RP1: variants seen among roughly 807,000 people sequenced by gnomAD.
The protein encoded by RP1 is RP1 axonemal microtubule associated.
RP1 carries 16 observed loss-of-function variants against 14.8 expected under a neutral mutation model. That is an observed-to-expected ratio of 1.08 (90% CI 0.73 to 1.65). RP1 has a LOEUF of 1.65. Ranked by LOEUF, RP1 falls within the 40% of genes most tolerant of loss-of-function variation. The pLI is 0.00. For missense variants in RP1, 2,631 were observed against 2,535.0 expected (o/e 1.04, Z -0.81); for synonymous variants, 876 against 883.6 (o/e 0.99, Z 0.15).
chr8:54,720,931 A>G (rs1195369504), intron 16 of RP1, among the ~76,000 whole-genome samples: 1 of 152,194 alleles, frequency 6.6e-6, no homozygotes, highest in East Asian at 1.9e-4. Flanking sequence ...GTATTTTTCA[A>G]TTACCTTGAA....
chr8:54,707,289 G>A (rs1229335443), intron 15 of RP1, among the ~76,000 whole-genome samples: 1 of 151,978 alleles, frequency 6.6e-6, no homozygotes, highest in Non-Finnish European at 1.5e-5. Flanking sequence ...ATGCCCTGCT[G>A]ATTTTTGTAC....
At chr8:54,669,452 T>C (rs968211038) in intron 7 of RP1, among the ~76,000 whole-genome samples, 2 of 152,228 alleles carry the variant, frequency 1.3e-5, no homozygotes, top group Non-Finnish European at 2.9e-5. Context: ...GTTCAACGAT[T>C]GTGGAAGACA....
intron 7 of RP1, among the ~76,000 whole-genome samples, chr8:54,668,337 CAAG>C (rs1212176855): frequency 3.9e-5 from 6 of 152,098 alleles, no homozygotes; most frequent in Non-Finnish European, 7.4e-5. Flanking sequence ...AGGACCTCTT[CAAG>C]AAGAACTACA....
At chr8:54,585,031 G>C in intron 1 of RP1, among the ~76,000 whole-genome samples, 1 of 152,174 alleles carries the variant, frequency 6.6e-6, no homozygotes, top group Non-Finnish European at 1.5e-5. Context: ...GTGTGAATTT[G>C]ATCCTGTCAT....
At chr8:54,821,408 C>A (rs749423291) in intron 24 of RP1, among the ~76,000 whole-genome samples, 1 of 152,184 alleles carries the variant, frequency 6.6e-6, no homozygotes, top group African/African-American at 2.4e-5. Flanking sequence ...AAATGACTTA[C>A]ATGAATGTAT....
At chr8:54,634,717 G>A (rs2129320306), downstream of RP1, among the ~76,000 whole-genome samples, 1 of 152,252 alleles carries the variant, frequency 6.6e-6, no homozygotes, top group East Asian at 1.9e-4. Context: ...ATGTTTGATG[G>A]TTTAGAGAAG....
chr8:54,726,110 C>T (rs776297245), intron 16 of RP1, among the ~76,000 whole-genome samples: 1 of 152,076 alleles, frequency 6.6e-6, no homozygotes, highest in Non-Finnish European at 1.5e-5. Flanking sequence ...AACTATCGTT[C>T]GGATTTGCAA....
intron 19 of RP1, among the ~76,000 whole-genome samples, chr8:54,743,857 C>T (rs1398106385): frequency 1.3e-5 from 2 of 152,138 alleles, no homozygotes; most frequent in East Asian, 1.9e-4. Context: ...GCCCTGAGGC[C>T]GCTTCCCATG....
intron 24 of RP1, among the ~76,000 whole-genome samples, chr8:54,828,798 G>A (rs1187234888): frequency 6.6e-6 from 1 of 151,376 alleles, no homozygotes; most frequent in African/African-American, 2.4e-5. Flanking sequence ...CATTATGACG[G>A]CTACGATGTC....
rs755833719 is a variant in RP1 at position 54,621,369 on chromosome 8, G to A, written c.403G>A (p.Ala135Thr). 1.1e-5 allele frequency: 17 copies of A among 1,612,604 alleles called. No individual in the cohort carries two copies. The highest frequency in any genetic ancestry group is 1.3e-5 in the Non-Finnish European group (15 of 1,179,836). ...CTGGCTCAGCAGCCGGGCCATTAGC[G>A]CGCACTCACCGCCCCACCCCGTAGC... is the stretch of plus-strand genomic sequence containing the variant. ...RPWLSSRAIS[A>T]HSPPHPVAVA... The change falls in exon 2 of 4, where the codon GCG (alanine) becomes ACG (threonine). Residue 135 changes from alanine to threonine, a missense_variant. Physicochemically the swap from Ala to Thr is moderately conservative, Grantham distance 58. Transcript: ENST00000220676.
At chr8:54,559,828 T>C (rs894080578) in intron 1 of RP1, among the ~76,000 whole-genome samples, 2 of 151,964 alleles carry the variant, frequency 1.3e-5, no homozygotes, top group African/African-American at 2.4e-5. Context: ...GGATGACTAT[T>C]AGAGACTGAG....
At chr8:54,806,992 G>C (rs1388819959) in intron 24 of RP1, among the ~76,000 whole-genome samples, 1 of 152,166 alleles carries the variant, frequency 6.6e-6, no homozygotes, top group Non-Finnish European at 1.5e-5. Context: ...AACAAAACAG[G>C]CACGTTCTAG....
chr8:54,848,274 G>A (rs1025883963), intron 25 of RP1, among the ~76,000 whole-genome samples: 2 of 152,190 alleles, frequency 1.3e-5, no homozygotes, highest in Non-Finnish European at 2.9e-5. Flanking sequence ...ACTCTCCTCT[G>A]AGCCCCAAGG....
intron 14 of RP1, among the ~76,000 whole-genome samples, chr8:54,705,474 T>C (rs1808128412): frequency 6.6e-6 from 1 of 152,226 alleles, no homozygotes; most frequent in South Asian, 2.1e-4. Flanking sequence ...CATCCTGTAG[T>C]GAGTCCATGT....
At chr8:54,830,205 T>TA (rs1228231605) in intron 24 of RP1, among the ~76,000 whole-genome samples, 1 of 152,154 alleles carries the variant, frequency 6.6e-6, no homozygotes, top group African/African-American at 2.4e-5. Context: ...TTTTAAGCTC[T>TA]ATTAGTAGGT....
intron 15 of RP1, among the ~76,000 whole-genome samples, chr8:54,709,363 CT>C (rs552508104): frequency 2.4e-3 from 365 of 152,294 alleles, no homozygotes; most frequent in African/African-American, 8.3e-3. Flanking sequence ...TCTGTTTTCC[CT>C]TCCTGAAGGG....
At chr8:54,818,317 C>T (rs1007002105) in intron 24 of RP1, among the ~76,000 whole-genome samples, 1 of 152,184 alleles carries the variant, frequency 6.6e-6, no homozygotes, top group Non-Finnish European at 1.5e-5. Flanking sequence ...TGCAAAAATG[C>T]AAACTGTAGC....
intron 1 of RP1, among the ~76,000 whole-genome samples, chr8:54,592,784 G>A (rs905792280): frequency 6.6e-6 from 1 of 152,068 alleles, no homozygotes; most frequent in Non-Finnish European, 1.5e-5. Context: ...TAATTTTCAT[G>A]CTTGTTGCCC....
intron 12 of RP1, among the ~76,000 whole-genome samples, chr8:54,691,121 G>C (rs1202030544): frequency 6.6e-6 from 1 of 152,104 alleles, no homozygotes; most frequent in Non-Finnish European, 1.5e-5. Flanking sequence ...TGGCAGCTAA[G>C]TGGAGGCCAG....
Sources: gnomAD v4.1 joint callset for allele counts (sites outside exome capture counted in the v4.1 genomes callset) on GRCh38, gnomAD v4.1.1 for gene constraint, MANE v1.5 for transcripts, NCBI Gene and HGNC (gene_info 2026-07-23, HGNC 2026-07-21) for gene names.